KANK1: variants seen among roughly 807,000 people sequenced by gnomAD.
KANK1 encodes KN motif and ankyrin repeat domain-containing protein 1.
In KANK1, 109 loss-of-function variants were observed where a neutral mutation model predicts 106.2. The ratio of observed to expected loss-of-function variants is 1.03; its 90% CI spans 0.88 to 1.20. KANK1 has a LOEUF of 1.20. Among genes scored for constraint, KANK1 ranks in the 50% most tolerant of loss-of-function variants. KANK1 has a pLI of 0.00. For synonymous variants in KANK1, 873 were observed against 652.2 expected, an observed-to-expected ratio of 1.34 and a Z score of -5.16; for missense variants, 2,399 against 1,710.7, an observed-to-expected ratio of 1.40 and a Z score of -7.10.
intron 1 of KANK1, among the ~76,000 whole-genome samples, chr9:587,146 A>G (rs766384253): frequency 2.0e-5 from 3 of 152,146 alleles, no homozygotes; most frequent in African/African-American, 7.2e-5. Flanking sequence ...TTAAGATAAC[A>G]TATCGTTTTT....
At chr9:514,487 C>T (rs1157256953) in intron 1 of KANK1, among the ~76,000 whole-genome samples, 1 of 150,346 alleles carries the variant, frequency 6.7e-6, no homozygotes, top group African/African-American at 2.5e-5. Flanking sequence ...ACTCTTGCCC[C>T]GAGGGTATCC....
chr9:615,793 C>T (rs191150419), intron 1 of KANK1, among the ~76,000 whole-genome samples: 2 of 152,154 alleles, frequency 1.3e-5, no homozygotes, highest in East Asian at 1.9e-4. Flanking sequence ...AGAGGAGATC[C>T]CAAGTGATAC....
chr9:485,556 T>C (rs2058277170), intron 3 of KANK1, among the ~76,000 whole-genome samples: 3 of 152,048 alleles, frequency 2.0e-5, no homozygotes, highest in South Asian at 4.1e-4. Flanking sequence ...ACATAGAACC[T>C]GAGAATAAAG....
At chr9:685,033 A>C (rs1818283478) in intron 2 of KANK1, among the ~76,000 whole-genome samples, 1 of 152,212 alleles carries the variant, frequency 6.6e-6, no homozygotes, top group African/African-American at 2.4e-5. Flanking sequence ...AACCAAAAGC[A>C]GACTCTTTTC....
chr9:473,759 G>T (rs2058059139), intron 3 of KANK1, among the ~76,000 whole-genome samples: 1 of 151,890 alleles, frequency 6.6e-6, no homozygotes, highest in Admixed American at 6.6e-5. Context: ...GAATGCAGTG[G>T]CACAATCTCA....
intron 1 of KANK1, among the ~76,000 whole-genome samples, chr9:618,071 C>T (rs1832271370): frequency 6.6e-6 from 1 of 152,164 alleles, no homozygotes; most frequent in Non-Finnish European, 1.5e-5. Flanking sequence ...AAGGTTATTT[C>T]AGTAGTACCC....
intron 1 of KANK1, among the ~76,000 whole-genome samples, chr9:647,814 C>T (rs1840020402): frequency 6.6e-6 from 1 of 150,572 alleles, no homozygotes; most frequent in African/African-American, 2.5e-5. Context: ...AAATAGCCCG[C>T]AATCCCAGAT....
chr9:524,016 G>C (rs1587492276), intron 1 of KANK1, among the ~76,000 whole-genome samples: 2 of 151,738 alleles, frequency 1.3e-5, no homozygotes, highest in East Asian at 3.9e-4. Flanking sequence ...GGTATTTGCT[G>C]TTAAATGAGC....
intron 1 of KANK1, among the ~76,000 whole-genome samples, chr9:602,287 G>A (rs1484999022): frequency 6.6e-6 from 1 of 151,606 alleles, no homozygotes; most frequent in Non-Finnish European, 1.5e-5. Flanking sequence ...TTGAGACGGA[G>A]TCTCGCTCTG....
chr9:502,425 T>G (rs1280671329), upstream of KANK1, among the ~76,000 whole-genome samples: 1 of 152,218 alleles, frequency 6.6e-6, no homozygotes, highest in East Asian at 1.9e-4. Context: ...TTTGATTGAT[T>G]CGTTTTGCTT....
chr9:566,939 G>A (rs919109427), intron 1 of KANK1, among the ~76,000 whole-genome samples: 3 of 152,010 alleles, frequency 2.0e-5, no homozygotes, highest in East Asian at 1.9e-4. Flanking sequence ...TCCTATGTCC[G>A]GAATGGTATT....
intron 3 of KANK1, among the ~76,000 whole-genome samples, chr9:485,872 A>G (rs866802167): frequency 0.023 from 2,203 of 97,262 alleles, 52 homozygotes; most frequent in African/African-American, 0.095. Flanking sequence ...ATTGTCTCAA[A>G]AAAAAAAAAA....
chr9:669,870 C>A (rs1304347967), intron 1 of KANK1, among the ~76,000 whole-genome samples: 1 of 151,968 alleles, frequency 6.6e-6, no homozygotes, highest in Admixed American at 6.6e-5. Context: ...TAGATTTGGT[C>A]TTTTAAGGTA....
At chr9:609,681 T>A (rs1016998766) in intron 1 of KANK1, among the ~76,000 whole-genome samples, 2 of 152,120 alleles carry the variant, frequency 1.3e-5, no homozygotes, top group Non-Finnish European at 1.5e-5. Flanking sequence ...TAGACATTGA[T>A]CCTGCTAACA....
intron 2 of KANK1, chr9:693,414 T>A (rs1820467090): frequency 2.0e-6 from 2 of 985,314 alleles, no homozygotes; most frequent in African/African-American, 3.5e-5. Flanking sequence ...CTTTCTGATT[T>A]CTTCCTAGAA....
intron 1 of KANK1, among the ~76,000 whole-genome samples, chr9:582,317 TCCAAAAC>T (rs1822375437): frequency 6.6e-6 from 1 of 152,184 alleles, no homozygotes; most frequent in African/African-American, 2.4e-5. Flanking sequence ...TTTGGCTGTT[TCCAAAAC>T]CCATTTGGAA....
intron 1 of KANK1, among the ~76,000 whole-genome samples, chr9:534,649 G>C (rs917516798): frequency 6.6e-6 from 1 of 152,164 alleles, no homozygotes; most frequent in Non-Finnish European, 1.5e-5. Context: ...ACTATTGATT[G>C]TTCATCCTGG....
At chr9:632,516 A>G (rs1254243297) in intron 1 of KANK1, among the ~76,000 whole-genome samples, 1 of 152,156 alleles carries the variant, frequency 6.6e-6, no homozygotes, top group East Asian at 1.9e-4. Flanking sequence ...GTTTTATGAA[A>G]AATAAAGCAG....
rs200442254 is a variant in KANK1 at position 734,871 on chromosome 9, A to T, written c.3333+36A>T. 3 of 1,483,744 alleles carry T rather than the reference A, an allele frequency of 2.0e-6. No individual in the cohort carries two copies. In the East Asian group the frequency reaches 6.8e-5, roughly 33 times the overall value. The allele number at this position is 1,483,744 out of a possible 1,614,324, so 91.9% of individuals were successfully genotyped here. On this transcript the variant is annotated intron_variant, in intron 7 of 11. Coordinates refer to ENST00000382297, the MANE Select transcript of KANK1 (RefSeq NM_015158.5). Reference sequence around the variant, plus strand: ...CCTGCAAACACCATCCCCAGTGTGTACAAAGTGCATGAGTGGGTTCATTGT... The same window carrying T: ...CCTGCAAACACCATCCCCAGTGTGTTCAAAGTGCATGAGTGGGTTCATTGT...
Sources: allele counts gnomAD v4.1 joint callset (sites outside exome capture counted in the v4.1 genomes callset), GRCh38; gene constraint gnomAD v4.1.1; transcripts MANE v1.5; gene names NCBI Gene and HGNC (gene_info 2026-07-23, HGNC 2026-07-21).